C12orf42: variants seen among roughly 807,000 people sequenced by gnomAD.
The protein encoded by C12orf42 is chromosome 12 open reading frame 42.
A neutral mutation model predicts 21.6 loss-of-function variants in C12orf42; 25 were observed. The observed-to-expected ratio is 1.16, with a 90% confidence interval of 0.84 to 1.62. The LOEUF (loss-of-function observed/expected upper bound fraction) is 1.62. Among genes scored for constraint, C12orf42 ranks in the 40% most tolerant of loss-of-function variants. C12orf42 has a pLI of 0.00. For missense variants in C12orf42, 483 were observed against 459.3 expected (o/e 1.05, Z -0.47); for synonymous variants, 174 against 175.0 (o/e 0.99, Z 0.05).
intron 10 of C12orf42, among the ~76,000 whole-genome samples, chr12:103,256,103 TATATATATACACACACACACACACAC>T (rs2034579428): frequency 3.5e-5 from 2 of 57,198 alleles, no homozygotes; most frequent in South Asian, 8.2e-4. Flanking sequence ...TATATATATA[TATATATATACACACACACACACACAC>T]ACACACACAC....
At chr12:103,237,210 A>G (rs2033495902), downstream of C12orf42, among the ~76,000 whole-genome samples, 1 of 152,156 alleles carries the variant, frequency 6.6e-6, no homozygotes, top group South Asian at 2.1e-4. Context: ...CTCCCTCAAT[A>G]TCAGTGTTGG....
the C12orf42 span, among the ~76,000 whole-genome samples, chr12:103,124,006 C>A: frequency 6.6e-6 from 1 of 151,914 alleles, no homozygotes; most frequent in Non-Finnish European, 1.5e-5. Context: ...TCCAATAATA[C>A]CTGCCAAAGA....
intron 2 of C12orf42, among the ~76,000 whole-genome samples, chr12:103,411,736 C>T (rs1408051058): frequency 1.3e-5 from 2 of 152,198 alleles, no homozygotes; most frequent in Non-Finnish European, 2.9e-5. Context: ...TTGGACTTCC[C>T]ATCCTCCAGG....
intron 4 of C12orf42, among the ~76,000 whole-genome samples, chr12:103,284,400 G>T (rs2036315677): frequency 6.6e-6 from 1 of 152,090 alleles, no homozygotes; most frequent in African/African-American, 2.4e-5. Flanking sequence ...CAACCTTATA[G>T]AGCTCTATTT....
chr12:103,280,192 G>A (rs542812116), intron 4 of C12orf42, among the ~76,000 whole-genome samples: 2 of 152,302 alleles, frequency 1.3e-5, no homozygotes, highest in African/African-American at 4.8e-5. Flanking sequence ...AGGAACCAGA[G>A]GCTTTACAGA....
the C12orf42 span, among the ~76,000 whole-genome samples, chr12:103,162,506 GGTGT>G: frequency 0.018 from 2,617 of 147,540 alleles, 61 homozygotes; most frequent in Admixed American, 0.053. Context: ...CCAACAAGCT[GGTGT>G]GTGTGTGTGT....
chr12:103,386,070 A>C (rs989332457), intron 3 of C12orf42, among the ~76,000 whole-genome samples: 5 of 152,286 alleles, frequency 3.3e-5, no homozygotes, highest in East Asian at 3.9e-4. Flanking sequence ...TTCCCACAAC[A>C]ACCGTATTAG....
the C12orf42 span, among the ~76,000 whole-genome samples, chr12:103,176,995 G>T: frequency 3.7e-3 from 560 of 152,228 alleles, 6 homozygotes; most frequent in African/African-American, 0.013. Context: ...AACTTTCTGT[G>T]ACCCTTGCTC....
intron 3 of C12orf42, among the ~76,000 whole-genome samples, chr12:103,380,312 C>T (rs746658362): frequency 1.3e-5 from 2 of 152,028 alleles, no homozygotes; most frequent in Non-Finnish European, 2.9e-5. Context: ...CTCAAAGTTA[C>T]CTATTGAGGT....
At chr12:103,134,616 T>C in the C12orf42 span, among the ~76,000 whole-genome samples, 1 of 152,070 alleles carries the variant, frequency 6.6e-6, no homozygotes, top group Non-Finnish European at 1.5e-5. Flanking sequence ...ATAAGACATA[T>C]GAGACACCAT....
chr12:103,526,985 G>C, the C12orf42 span, among the ~76,000 whole-genome samples: 1 of 152,084 alleles, frequency 6.6e-6, no homozygotes, highest in Non-Finnish European at 1.5e-5. Flanking sequence ...TCTGTATTTG[G>C]CGTTAGTGGT....
chr12:103,372,651 G>A (rs2045357597), intron 3 of C12orf42, among the ~76,000 whole-genome samples: 1 of 152,172 alleles, frequency 6.6e-6, no homozygotes, highest in East Asian at 1.9e-4. Flanking sequence ...TGGTATAGGA[G>A]GCTGGTCATG....
intron 1 of C12orf42, among the ~76,000 whole-genome samples, chr12:103,494,274 G>T (rs1000137399): frequency 1.3e-5 from 2 of 152,082 alleles, no homozygotes; most frequent in Admixed American, 1.3e-4. Context: ...TTCTTTCTTT[G>T]CCACTTGTTC....
At chr12:103,219,032 T>A in the C12orf42 span, among the ~76,000 whole-genome samples, 2 of 152,086 alleles carry the variant, frequency 1.3e-5, no homozygotes, top group African/African-American at 4.8e-5. Context: ...TTTTTTCATA[T>A]CCCAGTGGCA....
chr12:103,346,055 A>T (rs1244238364), intron 4 of C12orf42, among the ~76,000 whole-genome samples: 1 of 152,206 alleles, frequency 6.6e-6, no homozygotes, highest in East Asian at 1.9e-4. Flanking sequence ...TAATAATTGA[A>T]ATATCTGCAG....
chr12:103,340,453 T>C (rs1415674791), intron 4 of C12orf42, among the ~76,000 whole-genome samples: 3 of 152,240 alleles, frequency 2.0e-5, no homozygotes, highest in Non-Finnish European at 4.4e-5. Flanking sequence ...TAACTGCTTC[T>C]ATTGTCCTGA....
At chr12:103,068,954 T>G in the C12orf42 span, among the ~76,000 whole-genome samples, 78 of 80,872 alleles carry the variant, frequency 9.6e-4, 5 homozygotes, top group African/African-American at 4.4e-3. Flanking sequence ...TATATATATA[T>G]ATATATATAT....
chr12:103,299,200 T>G (rs578184636), downstream of C12orf42, among the ~76,000 whole-genome samples: 17 of 152,156 alleles, frequency 1.1e-4, no homozygotes, highest in South Asian at 3.5e-3. Flanking sequence ...TTTGTATGTG[T>G]ATCATTATTA....
chr12:103,059,290 C>G, the C12orf42 span, among the ~76,000 whole-genome samples: 1 of 152,128 alleles, frequency 6.6e-6, no homozygotes, highest in Non-Finnish European at 1.5e-5. Context: ...GAAGTCGAAT[C>G]CCTGAATAGA....
Sources: gnomAD v4.1 joint callset for allele counts (sites outside exome capture counted in the v4.1 genomes callset) on GRCh38, gnomAD v4.1.1 for gene constraint, MANE v1.5 for transcripts, NCBI Gene and HGNC (gene_info 2026-07-23, HGNC 2026-07-21) for gene names.